The following ACADSB variants were observed in gnomAD, a reference collection of about 807,000 sequenced individuals.
ACADSB encodes the protein acyl-CoA dehydrogenase short/branched chain.
A neutral mutation model predicts 54.1 loss-of-function variants in ACADSB; 40 were observed. That is an observed-to-expected ratio of 0.74 (90% CI 0.57 to 0.96). The LOEUF is 0.96. Among genes scored for constraint, ACADSB ranks in the 40% least tolerant of loss-of-function variants. ACADSB has a pLI of 0.00. For missense variants in ACADSB, 530 were observed against 510.4 expected (o/e 1.04, Z -0.37); for synonymous variants, 182 against 182.8 (o/e 1.00, Z 0.03).
chr10:123,019,259 G>A (rs1221094924), intron 1 of ACADSB, among the ~76,000 whole-genome samples: 4 of 152,042 alleles, frequency 2.6e-5, no homozygotes, highest in African/African-American at 9.7e-5. Flanking sequence ...CCAACCTATA[G>A]TACAATATCA....
At chr10:123,017,328 A>T (rs530204522) in intron 1 of ACADSB, among the ~76,000 whole-genome samples, 15 of 152,098 alleles carry the variant, frequency 9.9e-5, no homozygotes, top group Admixed American at 7.2e-4. Context: ...TTATTTATTT[A>T]TTTTTTTGAG....
rs1290447899 is a variant in ACADSB, at chr10:123,056,796, G to A, written c.*3031G>A. 3 of 152,378 alleles carry A rather than the reference G, an allele frequency of 2.0e-5. No individual in the cohort carries two copies. The highest frequency in any genetic ancestry group is 7.2e-5 in the African/African-American group (3 of 41,432). 9.4% of individuals were successfully genotyped at this position (152,378 alleles called of 1,614,324 possible). On this transcript the variant is annotated 3_prime_UTR_variant, in exon 11 of 11. Transcript: ENST00000358776. ...AACCTGACTTTTCCAGAGTAATTTT[G>A]TTTTGCACATTCATGTTTATTGAAG...
chr10:123,048,428 G>A (rs1381199435), intron 8 of ACADSB, among the ~76,000 whole-genome samples: 1 of 151,830 alleles, frequency 6.6e-6, no homozygotes, highest in Non-Finnish European at 1.5e-5. Flanking sequence ...CAAAAGTAGA[G>A]GTTTTTTTTT....
At chr10:123,010,499 G>C (rs1850011490) in intron 1 of ACADSB, among the ~76,000 whole-genome samples, 1 of 152,222 alleles carries the variant, frequency 6.6e-6, no homozygotes, top group African/African-American at 2.4e-5. Flanking sequence ...CTGTAGCATA[G>C]TGGTTAAGAA....
intron 1 of ACADSB, among the ~76,000 whole-genome samples, chr10:123,010,211 A>C (rs552863370): frequency 1.3e-5 from 2 of 152,350 alleles, no homozygotes; most frequent in African/African-American, 4.8e-5. Context: ...TTCTCGTTCT[A>C]CCTGAGTCAT....
rs775429837 is a variant in ACADSB at position 123,040,640 on chromosome 10, G to T, written c.478G>T (p.Ala160Ser). 17 of 1,613,966 alleles carry T rather than the reference G, an allele frequency of 1.1e-5. No individual in the cohort carries two copies. Among genetic ancestry groups the T allele is most frequent in the Non-Finnish European group, 1.4e-5 (16 of 1,179,928 alleles). ...AAAACATGGAACAGAAGAACAAAAGGCCACCTATTTGCCTCAGCTCACTAC... is the reference window on the plus strand; with the variant it reads ...AAAACATGGAACAGAAGAACAAAAGTCCACCTATTTGCCTCAGCTCACTAC... The part of the protein sequence containing the change: ...IRKHGTEEQK[A>S]TYLPQLTTEK... The change falls in exon 4 of 11, where the codon GCC (alanine) becomes TCC (serine). Residue 160 changes from alanine (A) to serine (S), a missense_variant. Physicochemically the swap from Ala to Ser is moderately conservative, Grantham distance 99. Coordinates refer to ENST00000358776, the MANE Select transcript of ACADSB (RefSeq NM_001609.4).
At chr10:123,014,236 A>G (rs895175287) in intron 1 of ACADSB, among the ~76,000 whole-genome samples, 2 of 152,252 alleles carry the variant, frequency 1.3e-5, no homozygotes, top group African/African-American at 4.8e-5. Context: ...TAACCTGAGA[A>G]CTTGGAACAG....
chr10:123,038,143 G>A (rs542698395), intron 3 of ACADSB, among the ~76,000 whole-genome samples: 4 of 152,292 alleles, frequency 2.6e-5, no homozygotes, highest in East Asian at 1.9e-4. Context: ...ATTGGGCAAC[G>A]TCTAGGGACA....
chr10:123,010,764 G>C (rs1850021085), intron 1 of ACADSB, among the ~76,000 whole-genome samples: 1 of 152,224 alleles, frequency 6.6e-6, no homozygotes, highest in Non-Finnish European at 1.5e-5. Context: ...AGCATTGTGT[G>C]CTATGCCAGA....
intron 1 of ACADSB, among the ~76,000 whole-genome samples, 198 bp from the exon 2 acceptor site, chr10:123,034,158 C>T (rs1431383277): frequency 6.6e-6 from 1 of 151,936 alleles, no homozygotes; most frequent in Admixed American, 6.6e-5. Flanking sequence ...TTATTTAAAA[C>T]AGCTCATAGC....
intron 1 of ACADSB, among the ~76,000 whole-genome samples, chr10:123,014,602 T>C (rs1850087921): frequency 6.6e-6 from 1 of 152,264 alleles, no homozygotes; most frequent in Admixed American, 6.5e-5. Flanking sequence ...GTTTTGGGGA[T>C]CTGTAGGTTT....
Position 123,055,324 on chromosome 10 carries a change from C to A in ACADSB, c.*1559C>A, listed in dbSNP as rs1424014594. 1.7e-5 allele frequency: 3 copies of A among 177,884 alleles called. No homozygotes were observed. The East Asian group carries it at 5.0e-4, about 30-fold the overall frequency. 11.0% of individuals were successfully genotyped at this position (177,884 alleles called of 1,614,324 possible). A position where few individuals can be genotyped will look rare whatever the true frequency, so the allele number is the denominator to read the frequency against. ...GCAAAAGTGGAAACCCCTAATAAAC[C>A]TATCAGATCTTGTGAGACTTACTAT... On this transcript the variant is annotated 3_prime_UTR_variant, in exon 11 of 11. Coordinates refer to ENST00000358776, the MANE Select transcript of ACADSB (RefSeq NM_001609.4).
chr10:123,037,626 A>T, intron 2 of ACADSB, 121 bp from the exon 3 acceptor site: 2 of 632,312 alleles, frequency 3.2e-6, no homozygotes, highest in Non-Finnish European at 5.5e-6. Context: ...ATTCTATTTT[A>T]AAAATATAAG....
intron 1 of ACADSB, among the ~76,000 whole-genome samples, chr10:123,030,526 CAAA>C (rs66574740): frequency 3.1e-5 from 3 of 95,864 alleles, no homozygotes; most frequent in Non-Finnish European, 2.0e-5. Context: ...GACTCTGTCT[CAAA>C]AAAAAAAAAA....
In ACADSB at chr10:123,054,590, T is replaced by A. The variant is rs1328555685; in HGVS notation, c.*825T>A. The A allele has an allele frequency of 6.6e-6, 1 of 152,168 alleles. No homozygotes were observed. The highest frequency in any genetic ancestry group is 1.5e-5 in the Non-Finnish European group (1 of 68,030). The allele number at this position is 152,168 out of a possible 1,614,324, so 9.4% of individuals were successfully genotyped here. Reference sequence around the variant, plus strand: ...AAAATTCTGGTTTTAAATATGAGAATCAGTGGAAAATAAGGGTATAATTTT... The same window carrying A: ...AAAATTCTGGTTTTAAATATGAGAAACAGTGGAAAATAAGGGTATAATTTT... On this transcript the variant is annotated 3_prime_UTR_variant, in exon 11 of 11. Transcript: ENST00000358776.
intron 1 of ACADSB, among the ~76,000 whole-genome samples, chr10:123,013,984 G>C (rs1418226939): frequency 6.6e-6 from 1 of 152,246 alleles, no homozygotes; most frequent in African/African-American, 2.4e-5. Flanking sequence ...CTCCTCAAGC[G>C]TGGCCAGAAT....
At chr10:123,032,389 A>G (rs2133472124) in intron 1 of ACADSB, among the ~76,000 whole-genome samples, 1 of 152,174 alleles carries the variant, frequency 6.6e-6, no homozygotes, top group South Asian at 2.1e-4. Flanking sequence ...CCTTAGAAAT[A>G]AGAAATGTGG....
At chr10:123,012,518 C>T (rs749893534) in intron 1 of ACADSB, among the ~76,000 whole-genome samples, 5 of 152,106 alleles carry the variant, frequency 3.3e-5, no homozygotes, top group East Asian at 1.9e-4. Context: ...TTCTTAAAGG[C>T]GGTGTGTCTG....
chr10:123,033,474 G>A (rs1392892967), intron 1 of ACADSB, among the ~76,000 whole-genome samples: 1 of 152,172 alleles, frequency 6.6e-6, no homozygotes, highest in Admixed American at 6.5e-5. Context: ...CACTACAACA[G>A]GAAGGCACTC....
Sources: gnomAD v4.1 joint callset for allele counts (sites outside exome capture counted in the v4.1 genomes callset) on GRCh38, gnomAD v4.1.1 for gene constraint, MANE v1.5 for transcripts, NCBI Gene and HGNC (gene_info 2026-07-23, HGNC 2026-07-21) for gene names.